PHACTR1: variants seen among roughly 807,000 people sequenced by gnomAD.
The protein encoded by PHACTR1 is phosphatase and actin regulator 1, also known as RPEL repeat containing 1.
PHACTR1 carries 16 observed loss-of-function variants against 69.2 expected under a neutral mutation model. That is an observed-to-expected ratio of 0.23 (90% confidence interval 0.16 to 0.35). The LOEUF (loss-of-function observed/expected upper bound fraction) is 0.35, where lower values mean the gene tolerates loss of function less well. Among genes scored for constraint, PHACTR1 ranks in the 10% least tolerant of loss-of-function variants. The pLI, the probability that PHACTR1 is intolerant of heterozygous loss-of-function variation, is 1.00. For synonymous variants in PHACTR1, 312 were observed against 284.5 expected (o/e 1.10, Z -0.97); for missense variants, 510 against 734.7 (o/e 0.69, Z 3.54).
chr6:12,951,110 C>T (rs1031664451), intron 4 of PHACTR1, among the ~76,000 whole-genome samples: 4 of 152,104 alleles, frequency 2.6e-5, no homozygotes, highest in Admixed American at 2.6e-4. Flanking sequence ...AAATGGCTTC[C>T]GAGATTGGCA....
In PHACTR1 at chr6:13,283,268, C is replaced by A; in HGVS notation, c.1510-154C>A. 1 of 723,726 alleles carries A rather than the reference C, an allele frequency of 1.4e-6. No homozygotes were observed. The highest frequency in any genetic ancestry group is 2.2e-6 in the Non-Finnish European group (1 of 454,472). The allele number at this position is 723,726 out of a possible 1,614,324, so 44.8% of individuals were successfully genotyped here. ...GTCAGGAGACTTGGGTCCCCCCACC[C>A]TGGCCCTCCCCCTGCCCCTGCCCCT... On this transcript the variant is annotated intron_variant, in intron 12 of 14. Coordinates refer to ENST00000332995, the MANE Select transcript of PHACTR1 (RefSeq NM_030948.6). This position sits in a 1 kb window ranked among gnomAD's most constrained non-coding sequence, Gnocchi z 4.7.
At position 13,275,063 on chromosome 6, in the gene PHACTR1, A is replaced by G. The variant is rs1007600783; in HGVS notation, c.1447+2148A>G. 2.6e-5 allele frequency: 4 copies of G among 152,198 alleles called. No homozygotes were observed. Among genetic ancestry groups the G allele is most frequent in the Admixed American group, 6.5e-5 (1 of 15,286 alleles). 9.4% of individuals were successfully genotyped at this position (152,198 alleles called of 1,614,324 possible). On this transcript the variant is annotated intron_variant, in intron 11 of 14. Coordinates refer to ENST00000332995, the MANE Select transcript of PHACTR1 (RefSeq NM_030948.6). This position sits in a 1 kb window ranked among gnomAD's most constrained non-coding sequence, Gnocchi z 4.0. ...TAGTGGTATAAGAAAACATCCTCCA[A>G]TAGTTTGTTTTAAAACTGATTTTCT...
chr6:13,098,763 C>T (rs1256442632), intron 5 of PHACTR1, among the ~76,000 whole-genome samples: 1 of 152,156 alleles, frequency 6.6e-6, no homozygotes, highest in Non-Finnish European at 1.5e-5. Flanking sequence ...GATCATAGCT[C>T]TTAATTATTT....
chr6:13,235,019 T>A (rs1182678242), intron 10 of PHACTR1, among the ~76,000 whole-genome samples: 1 of 152,218 alleles, frequency 6.6e-6, no homozygotes, highest in Non-Finnish European at 1.5e-5. Context: ...GCGCATGGTG[T>A]ATCACTGCAG....
intron 6 of PHACTR1, among the ~76,000 whole-genome samples, chr6:13,175,489 G>C (rs1045784125): frequency 2.6e-5 from 4 of 152,150 alleles, no homozygotes; most frequent in Non-Finnish European, 4.4e-5. Flanking sequence ...CTGAGTCAGG[G>C]CTTCTTTCCA....
At chr6:13,002,105 A>T (rs1798161475) in intron 4 of PHACTR1, among the ~76,000 whole-genome samples, 1 of 152,206 alleles carries the variant, frequency 6.6e-6, no homozygotes, top group Non-Finnish European at 1.5e-5. Context: ...CCCTTCCTTC[A>T]TGAGTCACCT....
At position 12,971,946 on chromosome 6, in the gene PHACTR1, C is replaced by T. The variant is rs74932613; in HGVS notation, c.251-81419C>T. Reference sequence around the variant, plus strand: ...CCTGGGGTATTATACACAGCCCCTGCTATGTAAGGTTGGGGTGAGAGGAAG... The same window carrying T: ...CCTGGGGTATTATACACAGCCCCTGTTATGTAAGGTTGGGGTGAGAGGAAG... On this transcript the variant is annotated intron_variant, in intron 4 of 14. Coordinates refer to ENST00000332995, the MANE Select transcript of PHACTR1 (RefSeq NM_030948.6). Among the ~76,000 whole-genome samples the T allele has an allele frequency of 9.6e-3, 1,458 of 152,282 alleles. 61 individuals are homozygous for T. The East Asian group carries it at 0.13, about 13-fold the overall frequency.
chr6:13,147,211 CATA>C (rs969631546), intron 5 of PHACTR1, among the ~76,000 whole-genome samples: 2 of 152,178 alleles, frequency 1.3e-5, no homozygotes, highest in Non-Finnish European at 2.9e-5. Flanking sequence ...AATTATTTCT[CATA>C]ATTCTCAGAA....
intron 4 of PHACTR1, among the ~76,000 whole-genome samples, chr6:12,969,992 C>A (rs1793989276): frequency 6.6e-6 from 1 of 151,986 alleles, no homozygotes; most frequent in African/African-American, 2.4e-5. Context: ...AAAACAAAAA[C>A]CACAAATGTT....
intron 4 of PHACTR1, among the ~76,000 whole-genome samples, chr6:12,964,506 A>G (rs1582731323): frequency 6.6e-6 from 1 of 152,316 alleles, no homozygotes; most frequent in South Asian, 2.1e-4. Context: ...TGGAATGCCA[A>G]TTCACAGGGG....
intron 3 of PHACTR1, chr6:12,749,386 G>T (rs557984606): frequency 1.8e-6 from 1 of 554,650 alleles, no homozygotes; most frequent in Admixed American, 2.2e-5. Flanking sequence ...GCCAGCCAGG[G>T]ATAGCCTGAT....
rs1562037093 is a variant in PHACTR1 at position 13,231,087 on chromosome 6, GAA to G, written c.1391+895_1391+896del. On this transcript the variant is annotated intron_variant, in intron 10 of 14. Coordinates refer to ENST00000332995, the MANE Select transcript of PHACTR1 (RefSeq NM_030948.6). ...AGGAAGGAAGGAAGGAAGGAAGGAA[GAA>G]GGAAGGAAGGGAAAAGAAAGAAGGA... 1.6e-3 allele frequency among the ~76,000 whole-genome samples: 26 copies of G among 16,198 alleles called. 3 individuals are homozygous for G. Among genetic ancestry groups the G allele is most frequent in the African/African-American group, 0.011 (19 of 1,716 alleles). The allele number at this position is 16,198 out of a possible 152,430, so 10.6% of individuals were successfully genotyped here. A position where few individuals can be genotyped will look rare whatever the true frequency, so the allele number is the denominator to read the frequency against.
chr6:13,092,358 T>C (rs539786285), intron 5 of PHACTR1, among the ~76,000 whole-genome samples: 5 of 152,320 alleles, frequency 3.3e-5, no homozygotes, highest in Non-Finnish European at 5.9e-5. Flanking sequence ...CTTGAACAGT[T>C]GTCATTTACT....
chr6:12,964,434 A>C (rs1049974894), intron 4 of PHACTR1, among the ~76,000 whole-genome samples: 3 of 152,186 alleles, frequency 2.0e-5, no homozygotes, highest in African/African-American at 7.2e-5. Context: ...ATTTTAATAC[A>C]GGAGAATGGG....
At chr6:12,909,224 T>C (rs1310001919) in intron 4 of PHACTR1, among the ~76,000 whole-genome samples, 1 of 152,218 alleles carries the variant, frequency 6.6e-6, no homozygotes, top group Non-Finnish European at 1.5e-5. Flanking sequence ...CTCCCCACCA[T>C]TTGGTTACAT....
At position 13,242,059 on chromosome 6, in the gene PHACTR1, A is replaced by C. The variant is rs568197897; in HGVS notation, c.1391+11866A>C. On this transcript the variant is annotated intron_variant, in intron 10 of 14. Transcript: ENST00000332995. ...TCAAAAAAAAAAAAAAAAAAAAGGA[A>C]TAAGTAATGCTAGTTGCCCTAACAG... is the stretch of plus-strand genomic sequence containing the variant. Among the ~76,000 whole-genome samples, 55 of 151,846 alleles carry C rather than the reference A, an allele frequency of 3.6e-4. No individual in the cohort carries two copies. The East Asian group carries it at 0.011, about 29-fold the overall frequency.
intron 7 of PHACTR1, chr6:13,185,025 G>A (rs1457396561): frequency 7.5e-7 from 1 of 1,340,944 alleles, no homozygotes; most frequent in South Asian, 1.2e-5. Context: ...GACGTCTTCT[G>A]GGGCAAGCAG....
At chr6:13,002,777 T>C (rs369003858) in intron 4 of PHACTR1, among the ~76,000 whole-genome samples, 34 of 152,300 alleles carry the variant, frequency 2.2e-4, no homozygotes, top group African/African-American at 7.9e-4. Context: ...AATATGCAAA[T>C]ATGATAATAT....
intron 3 of PHACTR1, among the ~76,000 whole-genome samples, chr6:12,737,122 A>C (rs1764362331): frequency 6.6e-6 from 1 of 152,142 alleles, no homozygotes; most frequent in Non-Finnish European, 1.5e-5. Context: ...TATGAACATC[A>C]CAGTGTACTT....
Sources: allele counts gnomAD v4.1 joint callset (sites outside exome capture counted in the v4.1 genomes callset), GRCh38; gene constraint gnomAD v4.1.1; non-coding constraint Gnocchi (gnomAD v3.1); transcripts MANE v1.5; gene names NCBI Gene and HGNC (gene_info 2026-07-23, HGNC 2026-07-21).